ITGA2: variants seen among roughly 807,000 people sequenced by gnomAD.
ITGA2 encodes integrin subunit alpha 2.
A neutral mutation model predicts 146.3 loss-of-function variants in ITGA2; 101 were observed. The ratio of observed to expected loss-of-function variants is 0.69; its 90% confidence interval spans 0.59 to 0.81. The LOEUF is 0.81. Among genes scored for constraint, ITGA2 ranks in the 40% least tolerant of loss-of-function variants. The probability of loss-of-function intolerance (pLI) is 0.00; values close to 1 mark genes in which losing one functional copy is unlikely to be tolerated. For synonymous variants in ITGA2, 477 were observed against 487.1 expected, an observed-to-expected ratio of 0.98 and a Z score of 0.27; for missense variants, 1,281 against 1,402.7, an observed-to-expected ratio of 0.91 and a Z score of 1.39.
Position 53,092,186 on chromosome 5 carries a change from C to T in ITGA2, c.*1587C>T, listed in dbSNP as rs1463323023. The T allele has an allele frequency of 6.6e-6, 1 of 152,200 alleles. No individual in the cohort carries two copies. The highest frequency in any genetic ancestry group is 1.5e-5 in the Non-Finnish European group (1 of 68,032). The allele number at this position is 152,200 out of a possible 1,614,324, so 9.4% of individuals were successfully genotyped here. On this transcript the variant is annotated 3_prime_UTR_variant, in exon 30 of 30. Transcript: ENST00000296585. ...GAAACTTAGAGGAAAAGGGCACAGA[C>T]ACTACATATCTAAAGCTTTGGACAA...
intron 1 of ITGA2, among the ~76,000 whole-genome samples, chr5:52,991,957 A>G (rs1012699064): frequency 5.3e-5 from 8 of 151,774 alleles, no homozygotes; most frequent in African/African-American, 1.9e-4. Flanking sequence ...GAAGGCCATC[A>G]CGTATTTTCT....
Position 53,093,876 on chromosome 5 carries a change from C to T in ITGA2, c.*3277C>T, listed in dbSNP as rs1390480136. On this transcript the variant is annotated 3_prime_UTR_variant, in exon 30 of 30. Coordinates refer to ENST00000296585, the MANE Select transcript of ITGA2 (RefSeq NM_002203.4). ...GAAACTACAGAGATTTAAAATTGTG[C>T]ATGACTCATTTCAGCAGCAAAATAA... 1 of 152,560 alleles carries T rather than the reference C, an allele frequency of 6.6e-6. No homozygotes were observed. Among genetic ancestry groups the T allele is most frequent in the East Asian group, 1.9e-4 (1 of 5,196 alleles). The allele number at this position is 152,560 out of a possible 1,614,324, so 9.5% of individuals were successfully genotyped here. A position where few individuals can be genotyped will look rare whatever the true frequency, so the allele number is the denominator to read the frequency against.
At chr5:53,070,057 T>C in intron 16 of ITGA2, 52 bp from the exon 17 acceptor site, 1 of 1,474,714 alleles carries the variant, frequency 6.8e-7, no homozygotes, top group African/African-American at 1.4e-5. Flanking sequence ...AAGATGCTTT[T>C]TCCTATAAGT....
At chr5:53,036,290 C>T (rs2111859775) in intron 2 of ITGA2, among the ~76,000 whole-genome samples, 1 of 152,290 alleles carries the variant, frequency 6.6e-6, no homozygotes, top group East Asian at 1.9e-4. Flanking sequence ...CAAAATTCTT[C>T]TACAATATGT....
intron 27 of ITGA2, among the ~76,000 whole-genome samples, chr5:53,086,550 CAA>C (rs1746165538): frequency 6.6e-6 from 1 of 152,178 alleles, no homozygotes; most frequent in African/African-American, 2.4e-5. Context: ...GCCAAGTTTA[CAA>C]TTTTCTCTCA....
chr5:53,017,863 G>A (rs550514707), intron 1 of ITGA2, among the ~76,000 whole-genome samples: 2 of 152,264 alleles, frequency 1.3e-5, no homozygotes, highest in South Asian at 2.1e-4. Flanking sequence ...GGAGGGGTGT[G>A]AGGCATGGGT....
Position 53,060,939 on chromosome 5 carries a change from C to T in ITGA2, c.1351C>T (p.His451Tyr). ...TGCAATTTCTACTGGAGAAAGCACT[C>T]ACTTTGTTGCTGGTGCTCCTCGGGC... Reference protein sequence around the residue: ...VAAISTGESTHFVAGAPRANY... With the variant: ...VAAISTGESTYFVAGAPRANY... Residue 451 changes from histidine to tyrosine, a missense_variant, in exon 12 of 30, where the codon CAC (histidine) becomes TAC (tyrosine). By Grantham distance (83) the His-to-Tyr change is moderately conservative. This residue lies in a region of ITGA2 where 795 missense variants were observed against 841.7 expected (regional missense o/e 0.94). Coordinates refer to ENST00000296585, the MANE Select transcript of ITGA2 (RefSeq NM_002203.4). The T allele has an allele frequency of 6.2e-7, 1 of 1,612,474 alleles. No individual in the cohort carries two copies. The highest frequency in any genetic ancestry group is 8.5e-7 in the Non-Finnish European group (1 of 1,178,930).
chr5:53,063,273 G>T (rs3212546), intron 13 of ITGA2, among the ~76,000 whole-genome samples: 16,937 of 151,816 alleles, frequency 0.11, 1,141 homozygotes, highest in African/African-American at 0.19. Flanking sequence ...AATTTTTTGC[G>T]ATAAAGACAA....
chr5:53,015,070 T>A (rs1742335380), intron 1 of ITGA2, among the ~76,000 whole-genome samples: 1 of 152,144 alleles, frequency 6.6e-6, no homozygotes, highest in Non-Finnish European at 1.5e-5. Context: ...TGATCTTTTT[T>A]ATGGGTTTTT....
intron 28 of ITGA2, among the ~76,000 whole-genome samples, chr5:53,088,058 A>ACCCT (rs1740195181): frequency 6.6e-6 from 1 of 152,146 alleles, no homozygotes; most frequent in South Asian, 2.1e-4. Context: ...GAAAGCCTAC[A>ACCCT]CCCTCTCTTC....
In ITGA2 at chr5:53,094,600, CATTTG is replaced by C. The variant is rs528320695; in HGVS notation, c.*4006_*4010del. ...TGTTTGTACAAAAAGTTGCAGAATT[CATTTG>C]ATTTATGAGAAACAAAAATTAAATT... On this transcript the variant is annotated 3_prime_UTR_variant, in exon 30 of 30. Transcript: ENST00000296585. The C allele has an allele frequency of 2.2e-3, 332 of 152,170 alleles. 1 individual carries two copies. The highest frequency in any genetic ancestry group is 7.3e-3 in the African/African-American group (304 of 41,526). 9.4% of individuals were successfully genotyped at this position (152,170 alleles called of 1,614,324 possible). A position where few individuals can be genotyped will look rare whatever the true frequency, so the allele number is the denominator to read the frequency against.
At chr5:53,078,138 C>T (rs1340647583) in intron 23 of ITGA2, among the ~76,000 whole-genome samples, 6 of 152,066 alleles carry the variant, frequency 3.9e-5, no homozygotes. Flanking sequence ...AAGTTAAGAT[C>T]AATCCAGTGG....
intron 25 of ITGA2, among the ~76,000 whole-genome samples, chr5:53,081,141 C>G (rs1185269477): frequency 6.6e-6 from 1 of 152,180 alleles, no homozygotes; most frequent in East Asian, 1.9e-4. Context: ...CCCACTCCAT[C>G]CACACCATGG....
In ITGA2 at chr5:53,087,033, A is replaced by T. The variant is rs1191880456; in HGVS notation, c.3340A>T (p.Thr1114Ser). The change falls in exon 28 of 30, where the codon ACT becomes TCT. Residue 1114 changes from threonine to serine, a missense_variant. Thr to Ser is a moderately conservative substitution (Grantham distance 58, BLOSUM62 1). This residue lies in a region of ITGA2 where 475 missense variants were observed against 530.5 expected (regional missense o/e 0.90). Transcript: ENST00000296585. ...NPEIYVIEDN[T>S]VTIPLMIMKP... is the part of the protein sequence containing the mutation. ...TGAGATATATGTGATTGAAGATAAC[A>T]CTGTTACGGTGAGCATATCACACCC... 6.2e-7 allele frequency: 1 copy of T among 1,610,976 alleles called. No individual in the cohort carries two copies. Among genetic ancestry groups the T allele is most frequent in the South Asian group, 1.1e-5 (1 of 91,018 alleles).
intron 10 of ITGA2, among the ~76,000 whole-genome samples, 194 bp downstream of exon 10, chr5:53,058,295 G>A (rs1304999749): frequency 2.0e-5 from 3 of 151,870 alleles, no homozygotes; most frequent in African/African-American, 7.2e-5. Context: ...TCCCTTCCCT[G>A]TTTCACAGGG....
In ITGA2 at chr5:53,059,882, G is replaced by C. The variant is rs1744819472; in HGVS notation, c.1182G>C (p.Leu394=). The change falls in exon 11 of 30, where the codon CTG becomes CTC. Residue 394 remains leucine (L), a synonymous_variant. Transcript: ENST00000296585. The part of the protein sequence containing the change: ...SADYSSQNDI[L]MLGAVGAFGW... ...TTTTTCAATTATTTTAGGATATTCT[G>C]ATGCTGGGTGCAGTGGGAGCTTTTG... is the stretch of plus-strand genomic sequence containing the variant. 3.1e-6 allele frequency: 5 copies of C among 1,611,862 alleles called. No individual in the cohort carries two copies. The highest frequency in any genetic ancestry group is 4.2e-6 in the Non-Finnish European group (5 of 1,178,770).
In ITGA2 at chr5:53,046,107, C is replaced by G. The variant is rs1010382596; in HGVS notation, c.387+1015C>G. Among the ~76,000 whole-genome samples the G allele has an allele frequency of 1.9e-4, 29 of 150,268 alleles. 2 individuals carry two copies. Among genetic ancestry groups the G allele is most frequent in the Admixed American group, 1.6e-3 (24 of 14,962 alleles). ...TCGGGAGGCTGAGGCAGGAGAATCACTGGGACCCAGGAGGCAAAAGTTGCA... is the reference window on the plus strand; with the variant it reads ...TCGGGAGGCTGAGGCAGGAGAATCAGTGGGACCCAGGAGGCAAAAGTTGCA... On this transcript the variant is annotated intron_variant, in intron 4 of 29. Coordinates refer to ENST00000296585, the MANE Select transcript of ITGA2 (RefSeq NM_002203.4).
chr5:53,014,898 T>C (rs1350951609), intron 1 of ITGA2, among the ~76,000 whole-genome samples: 1 of 152,184 alleles, frequency 6.6e-6, no homozygotes, highest in Non-Finnish European at 1.5e-5. Flanking sequence ...GTGTTCATAA[T>C]GGACTCTAAG....
In ITGA2 at chr5:53,074,755, A is replaced by G. The variant is rs560430513; in HGVS notation, c.2664+278A>G. Among the ~76,000 whole-genome samples the G allele has an allele frequency of 2.6e-5, 4 of 152,164 alleles. No homozygotes were observed. The East Asian group carries it at 7.8e-4, about 30-fold the overall frequency. ...TGGTCAAAGCACTATACACAGAGTC[A>G]CAGAGATCATTTATTAACCCCTAGT... On this transcript the variant is annotated intron_variant, in intron 21 of 29. Transcript: ENST00000296585.
Sources: gnomAD v4.1 joint callset for allele counts (sites outside exome capture counted in the v4.1 genomes callset) on GRCh38, gnomAD v4.1.1 for gene constraint, gnomAD v4.1.1 regional missense constraint, MANE v1.5 for transcripts, NCBI Gene and HGNC (gene_info 2026-07-23, HGNC 2026-07-21) for gene names.